The following CEP85L variants were observed in gnomAD, a reference collection of about 807,000 sequenced individuals.
CEP85L encodes centrosomal protein of 85 kDa-like.
A neutral mutation model predicts 100.3 loss-of-function variants in CEP85L; 60 were observed. That is an observed-to-expected ratio of 0.60 (90% CI 0.49 to 0.74). The LOEUF is 0.74. CEP85L is among the 30% of genes least tolerant of loss of function. The pLI, the probability that CEP85L is intolerant of heterozygous loss-of-function variation, is 0.00. For missense variants in CEP85L, 973 were observed against 936.2 expected, an observed-to-expected ratio of 1.04 and a Z score of -0.51; for synonymous variants, 319 against 322.7, an observed-to-expected ratio of 0.99 and a Z score of 0.12.
At chr6:118,615,498 A>G (rs1366524149) in intron 2 of CEP85L, among the ~76,000 whole-genome samples, 2 of 152,090 alleles carry the variant, frequency 1.3e-5, no homozygotes, top group Non-Finnish European at 2.9e-5. Flanking sequence ...TAACTCAGCA[A>G]AAGTCTGGGT....
intron 1 of CEP85L, among the ~76,000 whole-genome samples, chr6:118,662,339 G>T (rs1776000104): frequency 6.6e-6 from 1 of 152,042 alleles, no homozygotes; most frequent in African/African-American, 2.4e-5. Context: ...AGACCAGCCT[G>T]GCCAACATGG....
intron 4 of CEP85L, among the ~76,000 whole-genome samples, chr6:118,519,221 C>T (rs1348158111): frequency 2.0e-5 from 3 of 151,860 alleles, no homozygotes; most frequent in Non-Finnish European, 2.9e-5. Flanking sequence ...TTTGGGAGGC[C>T]GAGGCGGGCA....
At chr6:118,578,549 G>A (rs1780378494) in intron 2 of CEP85L, among the ~76,000 whole-genome samples, 1 of 152,030 alleles carries the variant, frequency 6.6e-6, no homozygotes, top group South Asian at 2.1e-4. Context: ...AGCCAACATG[G>A]TGAAACTTGT....
chr6:118,598,550 T>C (rs1011768589), intron 2 of CEP85L, among the ~76,000 whole-genome samples: 3 of 152,028 alleles, frequency 2.0e-5, no homozygotes, highest in East Asian at 1.9e-4. Context: ...AAGAAGGACA[T>C]GTGAAGGTGA....
chr6:118,491,216 CACACACACACACACACACACACAT>C (rs1774543084), intron 6 of CEP85L, among the ~76,000 whole-genome samples: 1 of 145,988 alleles, frequency 6.8e-6, no homozygotes, highest in South Asian at 2.1e-4. Flanking sequence ...CACACACACA[CACACACACACACACACACACACAT>C]ATGCATGCAT....
At chr6:118,558,202 TG>T (rs966987040) in intron 3 of CEP85L, among the ~76,000 whole-genome samples, 1 of 152,130 alleles carries the variant, frequency 6.6e-6, no homozygotes, top group African/African-American at 2.4e-5. Context: ...CTGCCCGCCT[TG>T]GCCTCCCAAA....
At chr6:118,508,180 T>C (rs1775769424) in intron 5 of CEP85L, among the ~76,000 whole-genome samples, 1 of 152,168 alleles carries the variant, frequency 6.6e-6, no homozygotes. Context: ...AAGGTGGGAT[T>C]CATTTTATTA....
In CEP85L at chr6:118,502,230, A is replaced by C. The variant is rs556572299; in HGVS notation, c.1257+9068T>G. Reference sequence around the variant, plus strand: ...ATTATGGACCCTGGAGTTCTTATGTACCGCATTATGACTCCACATTTATGA... The same window carrying C: ...ATTATGGACCCTGGAGTTCTTATGTCCCGCATTATGACTCCACATTTATGA... On this transcript the variant is annotated intron_variant, in intron 5 of 12. Coordinates refer to ENST00000368491, the MANE Select transcript of CEP85L (RefSeq NM_001042475.3). 117 of 653,336 alleles carry C rather than the reference A, an allele frequency of 1.8e-4. No individual in the cohort carries two copies. In the South Asian group the frequency reaches 2.0e-3, roughly 11 times the overall value. 40.5% of individuals were successfully genotyped at this position (653,336 alleles called of 1,614,324 possible).
At chr6:118,496,356 T>TTTTTATTTTA (rs553361650) in intron 5 of CEP85L, among the ~76,000 whole-genome samples, 3,980 of 139,486 alleles carry the variant, frequency 0.029, 141 homozygotes, top group African/African-American at 0.074. Context: ...TATTTTATAT[T>TTTTTATTTTA]TTTTATTTTA....
At chr6:118,501,583 G>A (rs568454202) in intron 5 of CEP85L, 152 of 544,410 alleles carry the variant, frequency 2.8e-4, no homozygotes, top group African/African-American at 2.4e-3. Context: ...AAGAACTAAC[G>A]GATAACTTCA....
At chr6:118,552,500 C>CA (rs1357730295) in intron 3 of CEP85L, among the ~76,000 whole-genome samples, 1 of 151,926 alleles carries the variant, frequency 6.6e-6, no homozygotes, top group East Asian at 1.9e-4. Flanking sequence ...TCACTGCAGA[C>CA]AAAGTAAGGA....
At chr6:118,499,680 AAAAC>A (rs796203558) in intron 5 of CEP85L, among the ~76,000 whole-genome samples, 30 of 152,208 alleles carry the variant, frequency 2.0e-4, no homozygotes, top group African/African-American at 6.0e-4. Context: ...AACAAAAAAC[AAAAC>A]AAACAAAAAA....
intron 2 of CEP85L, among the ~76,000 whole-genome samples, chr6:118,605,026 T>C (rs1029064877): frequency 4.6e-5 from 7 of 152,212 alleles, no homozygotes; most frequent in South Asian, 2.1e-4. Context: ...TATTAATACA[T>C]AGAAGATTCC....
intron 5 of CEP85L, chr6:118,502,706 T>G: frequency 2.2e-6 from 1 of 463,774 alleles, no homozygotes; most frequent in Non-Finnish European, 4.0e-6. Flanking sequence ...CCCAATATGA[T>G]GTCTCTTGGA....
chr6:118,678,223 G>A (rs567321834), intron 1 of CEP85L, among the ~76,000 whole-genome samples: 53 of 152,340 alleles, frequency 3.5e-4, no homozygotes, highest in African/African-American at 7.0e-4. Context: ...CAGCCCACCC[G>A]TTGGGTAGCT....
chr6:118,544,751 TC>T (rs1183845112), intron 3 of CEP85L, among the ~76,000 whole-genome samples: 1 of 151,970 alleles, frequency 6.6e-6, no homozygotes, highest in Non-Finnish European at 1.5e-5. Context: ...TGAACCTACC[TC>T]CCCCAAATGA....
chr6:118,653,777 A>T (rs947173374), upstream of CEP85L, among the ~76,000 whole-genome samples: 1 of 142,050 alleles, frequency 7.0e-6, no homozygotes, highest in African/African-American at 2.7e-5. Flanking sequence ...GTGTGTGTGT[A>T]TAAGTATCAT....
At chr6:118,641,376 C>T (rs2115351816) in intron 1 of CEP85L, among the ~76,000 whole-genome samples, 1 of 147,810 alleles carries the variant, frequency 6.8e-6, no homozygotes, top group East Asian at 1.9e-4. Context: ...CGAGCCAATC[C>T]ACTGGCAAGC....
chr6:118,649,425 C>T (rs1775404720), intron 1 of CEP85L, among the ~76,000 whole-genome samples: 1 of 152,170 alleles, frequency 6.6e-6, no homozygotes, highest in Non-Finnish European at 1.5e-5. Flanking sequence ...CAAAGTCCTT[C>T]GTTACCTAAC....
Sources: allele counts gnomAD v4.1 joint callset (sites outside exome capture counted in the v4.1 genomes callset), GRCh38; gene constraint gnomAD v4.1.1; transcripts MANE v1.5; gene names NCBI Gene and HGNC (gene_info 2026-07-23, HGNC 2026-07-21).